Variants in HYDIN observed in about 807,000 individuals in gnomAD.
HYDIN encodes HYDIN axonemal central pair apparatus protein.
A neutral mutation model predicts 403.9 loss-of-function variants in HYDIN; 132 were observed. The ratio of observed to expected loss-of-function variants is 0.33; its 90% confidence interval spans 0.28 to 0.38. The LOEUF is 0.38. HYDIN is among the 10% of genes least tolerant of loss of function. The pLI, the probability that HYDIN is intolerant of heterozygous loss-of-function variation, is 1.00. For missense variants in HYDIN, 2,827 were observed against 5,009.5 expected (o/e 0.56, Z 13.15); for synonymous variants, 1,202 against 1,891.7 (o/e 0.64, Z 9.46).
chr16:71,081,503 C>A (rs1325663068), intron 12 of HYDIN, among the ~76,000 whole-genome samples: 1 of 151,888 alleles, frequency 6.6e-6, no homozygotes, highest in East Asian at 1.9e-4. Flanking sequence ...ACCAAAGTAA[C>A]AAATAGATCA....
chr16:70,905,227 G>A (rs1422825695), intron 50 of HYDIN, among the ~76,000 whole-genome samples: 2 of 151,856 alleles, frequency 1.3e-5, no homozygotes, highest in Non-Finnish European at 2.9e-5. Flanking sequence ...TCACTTAACC[G>A]CTAATCACTT....
chr16:71,217,591 G>A (rs770543750), intron 1 of HYDIN, among the ~76,000 whole-genome samples: 2 of 152,150 alleles, frequency 1.3e-5, no homozygotes, highest in Non-Finnish European at 2.9e-5. Context: ...TTCCTATGCA[G>A]ATGAGAAGTT....
intron 23 of HYDIN, among the ~76,000 whole-genome samples, chr16:70,996,183 T>A (rs1345007418): frequency 6.6e-6 from 1 of 152,070 alleles, no homozygotes; most frequent in African/African-American, 2.4e-5. Flanking sequence ...CTTCCCCTAG[T>A]TTTCTTCTGG....
intron 60 of HYDIN, among the ~76,000 whole-genome samples, chr16:70,882,438 C>T (rs1974351): frequency 6.6e-6 from 1 of 152,282 alleles, no homozygotes; most frequent in Admixed American, 6.5e-5. Context: ...GCGGTTTGCT[C>T]GTCCATGCGT....
At chr16:71,170,484 T>A (rs1483025168) in intron 5 of HYDIN, among the ~76,000 whole-genome samples, 2 of 152,170 alleles carry the variant, frequency 1.3e-5, no homozygotes, top group Non-Finnish European at 2.9e-5. Flanking sequence ...AACTATCAGT[T>A]ACAGGCAACA....
intron 9 of HYDIN, among the ~76,000 whole-genome samples, chr16:71,123,903 C>T (rs1158996425): frequency 6.6e-6 from 1 of 152,222 alleles, no homozygotes; most frequent in Non-Finnish European, 1.5e-5. Context: ...GAGGCCTCCC[C>T]AGCCACATGG....
chr16:71,074,707 C>CAAAAAAAAA lies in HYDIN; in HGVS notation c.1738+5169_1738+5177dup, dbSNP rs59315287. ...CAAAACAAAACAAAACAAAAAACAC[C>CAAAAAAAAA]AAAAAAAAAAAAAAAAAAAAAGAAA... On this transcript the variant is annotated intron_variant, in intron 13 of 85. Transcript: ENST00000393567. 9.1e-4 allele frequency among the ~76,000 whole-genome samples: 78 copies of CAAAAAAAAA among 85,962 alleles called. 1 individual carries two copies. Among genetic ancestry groups the CAAAAAAAAA allele is most frequent in the East Asian group, 1.6e-3 (5 of 3,138 alleles). The allele number at this position is 85,962 out of a possible 152,430, so 56.4% of individuals were successfully genotyped here.
intron 13 of HYDIN, 47 bp downstream of exon 13, chr16:71,079,838 A>G (rs1295039628): frequency 3.4e-6 from 3 of 895,060 alleles, no homozygotes; most frequent in South Asian, 1.4e-5. Flanking sequence ...CCACGTAGAG[A>G]AAAGGAATCC....
At chr16:70,989,006 C>G (rs1020271548) in intron 25 of HYDIN, among the ~76,000 whole-genome samples, 7 of 152,028 alleles carry the variant, frequency 4.6e-5, no homozygotes, top group African/African-American at 1.7e-4. Context: ...AGGATGTTTG[C>G]TTTAATTTTT....
chr16:70,839,788 C>A (rs1203003534), intron 76 of HYDIN, among the ~76,000 whole-genome samples: 1 of 144,022 alleles, frequency 6.9e-6, no homozygotes, highest in African/African-American at 2.6e-5. Context: ...GTCTATTGCA[C>A]GACAAGATAA....
chr16:70,887,253 T>C (rs1025019836), intron 58 of HYDIN, among the ~76,000 whole-genome samples: 1 of 152,220 alleles, frequency 6.6e-6, no homozygotes, highest in Admixed American at 6.5e-5. Context: ...TTGGTTGACA[T>C]GATTACATTA....
At position 71,093,944 on chromosome 16, in the gene HYDIN, A is replaced by G; in HGVS notation, c.1328-9T>C. ...CAGACGGATTTCTCGGCCTAGAAAA[A>G]CAATTCAGACTTTATCATCCAAATG... On this transcript the variant is annotated splice_polypyrimidine_tract_variant and intron_variant, in intron 10 of 85. Coordinates refer to ENST00000393567, the MANE Select transcript of HYDIN (RefSeq NM_001270974.2). 6.2e-7 allele frequency: 1 copy of G among 1,613,366 alleles called. No individual in the cohort carries two copies. The highest frequency in any genetic ancestry group is 1.1e-5 in the South Asian group (1 of 90,998).
At chr16:71,022,604 A>G (rs1455361625) in intron 21 of HYDIN, among the ~76,000 whole-genome samples, 2 of 151,942 alleles carry the variant, frequency 1.3e-5, no homozygotes, top group African/African-American at 4.8e-5. Context: ...AAATCTGAAT[A>G]CTGAGACCTA....
At chr16:70,851,203 CAAAAAAAAA>C (rs4028101) in intron 73 of HYDIN, among the ~76,000 whole-genome samples, 4 of 22,176 alleles carry the variant, frequency 1.8e-4, no homozygotes, top group East Asian at 1.3e-3. Context: ...ATCAATCCTG[CAAAAAAAAA>C]AAAAAAAAAA....
chr16:71,208,856 A>C (rs1348456276), intron 1 of HYDIN, among the ~76,000 whole-genome samples: 1 of 152,226 alleles, frequency 6.6e-6, no homozygotes, highest in Non-Finnish European at 1.5e-5. Context: ...GAGAAATTGA[A>C]TCCCTAAACA....
chr16:70,810,620 A>C (rs1159802458), intron 84 of HYDIN, among the ~76,000 whole-genome samples: 2 of 152,148 alleles, frequency 1.3e-5, no homozygotes, highest in Non-Finnish European at 2.9e-5. Context: ...TCACAAGGTC[A>C]GGAGTTCGAA....
At chr16:71,178,172 C>G (rs1251430866) in intron 4 of HYDIN, among the ~76,000 whole-genome samples, 1 of 152,084 alleles carries the variant, frequency 6.6e-6, no homozygotes, top group Non-Finnish European at 1.5e-5. Context: ...ATAATCCCAG[C>G]ACTTTGGGAG....
At chr16:71,067,447 G>A (rs796908113) in intron 14 of HYDIN, 57 bp from the exon 15 acceptor site, 2 of 1,033,810 alleles carry the variant, frequency 1.9e-6, no homozygotes, top group East Asian at 2.4e-5. Flanking sequence ...CTCTACACGG[G>A]GGAGGGGAGC....
Position 71,062,270 on chromosome 16 carries a change from T to G in HYDIN, c.2275A>C (p.Ser759Arg). ...SPTPSGVISP[S>R]STIHIPLVLE... ...ACCAGTGGTATGTGGATGGTGCTGCTTGGGGAGATGACCCCGCTGGGGGTG... is the reference window on the plus strand; with the variant it reads ...ACCAGTGGTATGTGGATGGTGCTGCGTGGGGAGATGACCCCGCTGGGGGTG... The change falls in exon 17 of 86, where the codon AGC (serine) becomes CGC (arginine). Residue 759 changes from serine to arginine, a missense_variant. Ser to Arg is a moderately radical substitution (Grantham distance 110). Coordinates refer to ENST00000393567, the MANE Select transcript of HYDIN (RefSeq NM_001270974.2). The G allele has an allele frequency of 6.5e-7, 1 of 1,538,038 alleles. No individual in the cohort carries two copies. The highest frequency in any genetic ancestry group is 8.9e-7 in the Non-Finnish European group (1 of 1,126,528).
Sources: allele counts gnomAD v4.1 joint callset (sites outside exome capture counted in the v4.1 genomes callset), GRCh38; gene constraint gnomAD v4.1.1; transcripts MANE v1.5; gene names NCBI Gene and HGNC (gene_info 2026-07-23, HGNC 2026-07-21).